Variants in CDH12 observed in about 807,000 individuals in gnomAD.
CDH12 encodes cadherin-12.
In CDH12, 41 loss-of-function variants were observed where a neutral mutation model predicts 74.1. That is an observed-to-expected ratio of 0.55 (90% CI 0.43 to 0.72). The LOEUF (loss-of-function observed/expected upper bound fraction) is 0.72. Among genes scored for constraint, CDH12 ranks in the 30% least tolerant of loss-of-function variants. The pLI is 0.00. For missense variants in CDH12, 945 were observed against 977.2 expected, an observed-to-expected ratio of 0.97 and a Z score of 0.44; for synonymous variants, 399 against 355.0, an observed-to-expected ratio of 1.12 and a Z score of -1.39.
At chr5:21,821,869 A>G (rs192107931) in intron 8 of CDH12, among the ~76,000 whole-genome samples, 1 of 151,938 alleles carries the variant, frequency 6.6e-6, no homozygotes. Context: ...TTTACCTTCT[A>G]ATGGCTTAGA....
chr5:22,297,888 TAATG>T (rs1305472489), intron 3 of CDH12, among the ~76,000 whole-genome samples: 2 of 152,038 alleles, frequency 1.3e-5, no homozygotes, highest in Non-Finnish European at 2.9e-5. Flanking sequence ...TTTACATACT[TAATG>T]AATGAGAATT....
At chr5:22,167,651 T>A (rs972840519) in intron 4 of CDH12, among the ~76,000 whole-genome samples, 1 of 152,164 alleles carries the variant, frequency 6.6e-6, no homozygotes, top group Admixed American at 6.5e-5. Flanking sequence ...TGTACTTTGA[T>A]CCTTACAGAT....
At chr5:22,065,495 A>G (rs1210750975) in intron 5 of CDH12, among the ~76,000 whole-genome samples, 1 of 152,194 alleles carries the variant, frequency 6.6e-6, no homozygotes, top group Non-Finnish European at 1.5e-5. Flanking sequence ...TGCCCACAGT[A>G]AATGAATGTG....
At chr5:22,534,841 TTAG>T (rs558454998) in intron 1 of CDH12, among the ~76,000 whole-genome samples, 14 of 151,684 alleles carry the variant, frequency 9.2e-5, no homozygotes, top group Non-Finnish European at 1.8e-4. Context: ...AACAGGGTAA[TTAG>T]TAGTTAAATA....
rs1052885029 is a variant in CDH12, at chr5:21,779,218, T to C, written c.1393+4140A>G. 4 of 152,118 alleles carry C rather than the reference T, an allele frequency of 2.6e-5. 1 individual carries two copies. Among genetic ancestry groups the C allele is most frequent in the Non-Finnish European group, 2.9e-5 (2 of 68,008 alleles). 9.4% of individuals were successfully genotyped at this position (152,118 alleles called of 1,614,324 possible). A position where few individuals can be genotyped will look rare whatever the true frequency, so the allele number is the denominator to read the frequency against. On this transcript the variant is annotated intron_variant, in intron 11 of 14. Transcript: ENST00000382254. Reference sequence around the variant, plus strand: ...TATATTTATTTATTTATTCACTTTCTTTTTCCTTTTGTTAATTTTGTTTTT... The same window carrying C: ...TATATTTATTTATTTATTCACTTTCCTTTTCCTTTTGTTAATTTTGTTTTT...
chr5:22,550,459 T>C (rs939811891), intron 1 of CDH12, among the ~76,000 whole-genome samples: 1 of 152,184 alleles, frequency 6.6e-6, no homozygotes, highest in African/African-American at 2.4e-5. Flanking sequence ...AAATGTCACT[T>C]AACTCCATTG....
chr5:21,764,920 C>T, intron 12 of CDH12, 58 bp downstream of exon 12: 1 of 1,553,960 alleles, frequency 6.4e-7, no homozygotes, highest in Non-Finnish European at 8.8e-7. Context: ...GGACTTATAA[C>T]TTAAAACATG....
At chr5:22,686,255 A>T (rs999480516) in intron 1 of CDH12, among the ~76,000 whole-genome samples, 1 of 151,750 alleles carries the variant, frequency 6.6e-6, no homozygotes, top group African/African-American at 2.4e-5. Flanking sequence ...GAGTTGTAAA[A>T]CTTCTTTTTA....
intron 1 of CDH12, among the ~76,000 whole-genome samples, chr5:22,771,644 C>A (rs996594832): frequency 2.6e-5 from 4 of 152,060 alleles, no homozygotes; most frequent in East Asian, 1.9e-4. Flanking sequence ...CAATTTGTAA[C>A]AGAAGTAACA....
At chr5:22,206,638 T>C (rs1046309215) in intron 4 of CDH12, among the ~76,000 whole-genome samples, 1 of 108,722 alleles carries the variant, frequency 9.2e-6, no homozygotes, top group Non-Finnish European at 1.7e-5. Context: ...TACCAAAATA[T>C]AAGGTGTGGC....
chr5:22,129,288 T>C (rs1001126095), intron 4 of CDH12, among the ~76,000 whole-genome samples: 42 of 152,178 alleles, frequency 2.8e-4, no homozygotes, highest in African/African-American at 9.7e-4. Flanking sequence ...GAAGTAGACA[T>C]AGCTGAACCA....
chr5:22,757,615 T>C (rs1561009754), intron 1 of CDH12, among the ~76,000 whole-genome samples: 2 of 152,214 alleles, frequency 1.3e-5, no homozygotes, highest in African/African-American at 4.8e-5. Flanking sequence ...ACAATACTTC[T>C]GTTATCAGCA....
At chr5:22,484,809 C>T (rs896850171) in intron 2 of CDH12, among the ~76,000 whole-genome samples, 8 of 152,132 alleles carry the variant, frequency 5.3e-5, no homozygotes, top group Admixed American at 2.6e-4. Flanking sequence ...CTTCAAATTA[C>T]ACATACATAT....
intron 4 of CDH12, among the ~76,000 whole-genome samples, chr5:22,101,055 A>G (rs1744113041): frequency 6.6e-6 from 1 of 152,122 alleles, no homozygotes; most frequent in African/African-American, 2.4e-5. Flanking sequence ...TTTTATTACA[A>G]AAACCAGATA....
At chr5:21,788,116 T>A (rs940711588) in intron 10 of CDH12, among the ~76,000 whole-genome samples, 1 of 152,178 alleles carries the variant, frequency 6.6e-6, no homozygotes. Flanking sequence ...ATGATGCCCA[T>A]CAGTGAAGAC....
intron 10 of CDH12, among the ~76,000 whole-genome samples, chr5:21,800,466 C>G (rs1184666376): frequency 6.6e-6 from 1 of 151,998 alleles, no homozygotes; most frequent in African/African-American, 2.4e-5. Context: ...GGATGGAGCC[C>G]TCATGAAGTT....
chr5:22,663,164 T>C (rs2126900823), intron 1 of CDH12, among the ~76,000 whole-genome samples: 1 of 138,550 alleles, frequency 7.2e-6, no homozygotes. Flanking sequence ...AACCAAAAAT[T>C]GTAGCATATT....
chr5:22,429,751 C>G (rs948023262), intron 2 of CDH12, among the ~76,000 whole-genome samples: 50 of 152,070 alleles, frequency 3.3e-4, no homozygotes, highest in African/African-American at 8.7e-4. Flanking sequence ...CTATCACAGT[C>G]TGTTGGCTTC....
intron 1 of CDH12, among the ~76,000 whole-genome samples, chr5:22,744,364 G>T (rs10473608): frequency 2.6e-5 from 4 of 151,536 alleles, no homozygotes; most frequent in Admixed American, 2.6e-4. Context: ...GGGAGGCAGA[G>T]GTTGCAGTGA....
Sources: allele counts gnomAD v4.1 joint callset (sites outside exome capture counted in the v4.1 genomes callset), GRCh38; gene constraint gnomAD v4.1.1; transcripts MANE v1.5; gene names NCBI Gene and HGNC (gene_info 2026-07-23, HGNC 2026-07-21).